The following RIN2 variants were observed in gnomAD, a reference collection of about 807,000 sequenced individuals.
The protein encoded by RIN2 is Ras and Rab interactor 2.
RIN2 carries 36 observed loss-of-function variants against 78.0 expected under a neutral mutation model. The ratio of observed to expected loss-of-function variants is 0.46; its 90% CI spans 0.35 to 0.61. The LOEUF is 0.61. Ranked by LOEUF, RIN2 falls within the 20% of genes least tolerant of loss-of-function variation. The probability of loss-of-function intolerance (pLI) is 0.00; values close to 1 mark genes in which losing one functional copy is unlikely to be tolerated. For synonymous variants in RIN2, 466 were observed against 466.8 expected (o/e 1.00, Z 0.02); for missense variants, 1,087 against 1,159.7 (o/e 0.94, Z 0.91).
In RIN2 at chr20:19,840,319, C is replaced by T. The variant is rs575748423; in HGVS notation, c.-37+40572C>T. Among the ~76,000 whole-genome samples the T allele has an allele frequency of 3.3e-5, 5 of 152,298 alleles. No individual in the cohort carries two copies. The East Asian group carries it at 5.8e-4, about 18-fold the overall frequency. ...CCACACCTTGGTAAGACAGTGGCCA[C>T]GCTCAGCACTGCATACTTGGGCAGC... On this transcript the variant is annotated intron_variant, in intron 2 of 12. Coordinates refer to ENST00000255006, the MANE Select transcript of RIN2 (RefSeq NM_018993.4).
intron 3 of RIN2, among the ~76,000 whole-genome samples, chr20:19,915,323 C>G (rs959423275): frequency 2.6e-5 from 4 of 152,134 alleles, no homozygotes; most frequent in Admixed American, 2.6e-4. Flanking sequence ...AGCGAGGCAG[C>G]TGGGGTGTTT....
At chr20:19,800,615 C>T (rs1040820807) in intron 2 of RIN2, among the ~76,000 whole-genome samples, 6 of 152,190 alleles carry the variant, frequency 3.9e-5, no homozygotes, top group Admixed American at 1.3e-4. Flanking sequence ...CTCCAGTTGA[C>T]AGCCCCACTG....
chr20:19,949,705 G>A (rs1247610155), intron 4 of RIN2, among the ~76,000 whole-genome samples: 3 of 152,218 alleles, frequency 2.0e-5, no homozygotes, highest in African/African-American at 7.2e-5. Flanking sequence ...AGCGGGTGAT[G>A]TAGGGGGAGG....
At chr20:19,863,665 C>T (rs1568553405) in intron 2 of RIN2, among the ~76,000 whole-genome samples, 1 of 152,194 alleles carries the variant, frequency 6.6e-6, no homozygotes, top group Non-Finnish European at 1.5e-5. Flanking sequence ...TTTCTCAGGA[C>T]CACTTTCCCA....
chr20:19,764,917 C>CTTT (rs2033803932), intron 1 of RIN2, among the ~76,000 whole-genome samples: 1 of 114,152 alleles, frequency 8.8e-6, no homozygotes, highest in African/African-American at 3.7e-5. Flanking sequence ...TCACTTTCTG[C>CTTT]GTTTTTTTTT....
Position 20,000,702 on chromosome 20 carries a change from G to A in RIN2, c.2454G>A (p.Val818=), listed in dbSNP as rs1264794779. Residue 818 remains valine, a synonymous_variant, in exon 13 of 13, where the codon GTG becomes GTA. Transcript: ENST00000255006. ...GACCTTACATCACCACTGAGGATGT[G>A]TGTCAGATCTGCGCTGAGAAGTTCA... ...LVRPYITTED[V]CQICAEKFKV... 3.7e-6 allele frequency: 6 copies of A among 1,613,840 alleles called. No homozygotes were observed. Among genetic ancestry groups the A allele is most frequent in the South Asian group, 2.2e-5 (2 of 91,094 alleles).
intron 4 of RIN2, among the ~76,000 whole-genome samples, chr20:19,936,300 T>A (rs2040641483): frequency 6.6e-6 from 1 of 152,146 alleles, no homozygotes. Context: ...TTGACCTCAG[T>A]GTGAAAGTCT....
At chr20:19,896,982 T>C (rs1033970009) in intron 3 of RIN2, among the ~76,000 whole-genome samples, 2 of 152,196 alleles carry the variant, frequency 1.3e-5, no homozygotes, top group Non-Finnish European at 1.5e-5. Context: ...CCACTTTTTT[T>C]ATTGACAAAA....
chr20:19,920,253 G>A (rs541223097), intron 3 of RIN2, among the ~76,000 whole-genome samples: 7 of 145,836 alleles, frequency 4.8e-5, no homozygotes, highest in African/African-American at 1.3e-4. Flanking sequence ...CTGAGATCGC[G>A]CCACTGCACT....
At chr20:19,991,899 T>C (rs1366986802) in intron 10 of RIN2, among the ~76,000 whole-genome samples, 1 of 152,226 alleles carries the variant, frequency 6.6e-6, no homozygotes, top group African/African-American at 2.4e-5. Context: ...TATCACATAA[T>C]TTTATACAAA....
chr20:19,975,833 C>G lies in RIN2; in HGVS notation c.1762+46C>G. 6.7e-7 allele frequency: 1 copy of G among 1,501,210 alleles called. No individual in the cohort carries two copies. The allele number at this position is 1,501,210 out of a possible 1,614,324, so 93.0% of individuals were successfully genotyped here. ...AATATAAAATCTATTGTAACTCTGT[C>G]CGGGCAGTGCAACCTATGTTTGTTA... On this transcript the variant is annotated intron_variant, in intron 9 of 12. Coordinates refer to ENST00000255006, the MANE Select transcript of RIN2 (RefSeq NM_018993.4). This position sits in a 1 kb window ranked among gnomAD's most constrained non-coding sequence, Gnocchi z 4.9.
chr20:19,977,617 C>T (rs192235492), intron 9 of RIN2, among the ~76,000 whole-genome samples: 1 of 152,286 alleles, frequency 6.6e-6, no homozygotes, highest in African/African-American at 2.4e-5. Context: ...CTGACAGCCA[C>T]ACTCTCTAGT....
chr20:19,889,013 C>T (rs1434098112), intron 2 of RIN2: 1 of 500,634 alleles, frequency 2.0e-6, no homozygotes, highest in Admixed American at 6.4e-5. Flanking sequence ...GAACTGATCC[C>T]TGTAAACAGT....
intron 9 of RIN2, among the ~76,000 whole-genome samples, chr20:19,989,790 A>C (rs1323354152): frequency 6.6e-6 from 1 of 152,224 alleles, no homozygotes; most frequent in Non-Finnish European, 1.5e-5. Context: ...GTTAGACATC[A>C]TTGGGGAAGA....
At chr20:19,817,217 C>T (rs1322705091) in intron 2 of RIN2, among the ~76,000 whole-genome samples, 1 of 152,222 alleles carries the variant, frequency 6.6e-6, no homozygotes, top group Non-Finnish European at 1.5e-5. Context: ...ATACCTTAAA[C>T]TGAGTAATTT....
chr20:19,899,674 C>T (rs2038895030), intron 3 of RIN2, among the ~76,000 whole-genome samples: 4 of 152,160 alleles, frequency 2.6e-5, no homozygotes, highest in Admixed American at 2.6e-4. Flanking sequence ...GGTCTCGGTC[C>T]ATTGTCAAAT....
chr20:19,851,768 T>C (rs73605543), intron 2 of RIN2, among the ~76,000 whole-genome samples: 4,914 of 152,226 alleles, frequency 0.032, 111 homozygotes, highest in African/African-American at 0.065. Flanking sequence ...ACATGGTTGC[T>C]GAGCACTGTG....
chr20:19,812,202 CAT>C (rs1430879213), intron 2 of RIN2, among the ~76,000 whole-genome samples: 1 of 152,018 alleles, frequency 6.6e-6, no homozygotes, highest in Non-Finnish European at 1.5e-5. Context: ...TATGTAGACA[CAT>C]ATTTTCACTT....
At chr20:19,885,841 A>C (rs746968736) in intron 2 of RIN2, among the ~76,000 whole-genome samples, 6 of 152,244 alleles carry the variant, frequency 3.9e-5, no homozygotes, top group African/African-American at 9.6e-5. Context: ...ATATATATCA[A>C]GATGTCATGT....
Sources: allele counts gnomAD v4.1 joint callset (sites outside exome capture counted in the v4.1 genomes callset), GRCh38; gene constraint gnomAD v4.1.1; non-coding constraint Gnocchi (gnomAD v3.1); transcripts MANE v1.5; gene names NCBI Gene and HGNC (gene_info 2026-07-23, HGNC 2026-07-21).